The following PPFIBP2 variants were observed in gnomAD, a reference collection of about 807,000 sequenced individuals.
The protein encoded by PPFIBP2 is liprin-beta-2.
A neutral mutation model predicts 118.3 loss-of-function variants in PPFIBP2; 118 were observed. The observed-to-expected ratio is 1.00, with a 90% CI of 0.86 to 1.16. PPFIBP2 has a LOEUF of 1.16. PPFIBP2 is among the 50% of genes most tolerant of loss of function. The pLI is 0.00. For synonymous variants in PPFIBP2, 414 were observed against 397.4 expected (o/e 1.04, Z -0.50); for missense variants, 1,195 against 1,073.1 (o/e 1.11, Z -1.59).
intron 1 of PPFIBP2, among the ~76,000 whole-genome samples, chr11:7,549,048 G>C (rs1852646867): frequency 6.6e-6 from 1 of 152,220 alleles, no homozygotes; most frequent in Admixed American, 6.5e-5. Context: ...GCATTGCCTT[G>C]TACGCCCTGA....
At chr11:7,570,113 T>C (rs2134787504) in intron 3 of PPFIBP2, among the ~76,000 whole-genome samples, 1 of 151,346 alleles carries the variant, frequency 6.6e-6, no homozygotes, top group African/African-American at 2.4e-5. Flanking sequence ...TCCCATGGTC[T>C]GAAAGGGGTG....
intron 6 of PPFIBP2, among the ~76,000 whole-genome samples, chr11:7,614,316 T>G (rs58239216): frequency 0.031 from 4,654 of 152,344 alleles, 245 homozygotes; most frequent in African/African-American, 0.1. Context: ...TGTGGACAAG[T>G]ACATTCATGT....
At chr11:7,595,760 C>T (rs1041325984) in intron 4 of PPFIBP2, among the ~76,000 whole-genome samples, 19 of 152,158 alleles carry the variant, frequency 1.2e-4, no homozygotes, top group Non-Finnish European at 2.4e-4. Context: ...AGAAAGTTTT[C>T]CTGGTTCTAC....
chr11:7,609,440 T>A (rs992690896), intron 5 of PPFIBP2, among the ~76,000 whole-genome samples: 4 of 152,240 alleles, frequency 2.6e-5, no homozygotes, highest in African/African-American at 9.6e-5. Flanking sequence ...TGGAAAAATA[T>A]GTTTCCCTGG....
intron 17 of PPFIBP2, among the ~76,000 whole-genome samples, chr11:7,644,899 C>T (rs1336407178): frequency 1.4e-4 from 21 of 150,698 alleles, no homozygotes; most frequent in African/African-American, 2.2e-4. Context: ...TGGTGGCGGG[C>T]GCCTGTAGTC....
rs1243603441 is a variant in PPFIBP2 at position 7,651,686 on chromosome 11, C to G, written c.2278C>G (p.Leu760Val). 5.0e-6 allele frequency: 8 copies of G among 1,612,826 alleles called. No individual in the cohort carries two copies. The East Asian group carries it at 1.6e-4, about 31-fold the overall frequency. ...ILEPRFTGDT[L>V]AMLLNIPPQK... ...GGAGCCACGCTTCACTGGGGACACC[C>G]TGGCTATGCTTCTCAACATCCCCCC... is the stretch of plus-strand genomic sequence containing the variant. Residue 760 changes from leucine to valine, a missense_variant, in exon 23 of 24, where the codon CTG becomes GTG. Coordinates refer to ENST00000299492, the MANE Select transcript of PPFIBP2 (RefSeq NM_003621.5).
rs1428655198 is a variant in PPFIBP2, at chr11:7,641,618, A to C, written c.1515A>C (p.Gly505=). Residue 505 remains glycine, a splice_region_variant and synonymous_variant, in exon 16 of 24, where the codon GGA becomes GGC. Transcript: ENST00000299492. The part of the protein sequence containing the change: ...RNPKGIKKFW[G]KIRRTQSGNF... ...CCAAAGGCATTAAGAAGTTCTGGGG[A>C]AAGTAAGTTGGTGCCGTTGATCCTA... The C allele has an allele frequency of 6.2e-7, 1 of 1,613,414 alleles. No homozygotes were observed. The highest frequency in any genetic ancestry group is 8.5e-7 in the Non-Finnish European group (1 of 1,179,764).
intron 1 of PPFIBP2, among the ~76,000 whole-genome samples, chr11:7,527,313 C>T (rs891443475): frequency 3.3e-5 from 5 of 151,888 alleles, no homozygotes; most frequent in South Asian, 2.1e-4. Context: ...ATATCTTGGT[C>T]TGGGTGGCAG....
the PPFIBP2 span, among the ~76,000 whole-genome samples, chr11:7,664,435 G>C: frequency 6.6e-6 from 1 of 152,056 alleles, no homozygotes; most frequent in Non-Finnish European, 1.5e-5. Flanking sequence ...CTCTGTGATG[G>C]AGGCTCTCCT....
chr11:7,579,449 T>C (rs1856937874), intron 3 of PPFIBP2, among the ~76,000 whole-genome samples: 1 of 152,224 alleles, frequency 6.6e-6, no homozygotes. Context: ...AGGTTTTTTT[T>C]TTAAGCCCCA....
chr11:7,548,089 A>G (rs1852529595), intron 1 of PPFIBP2, among the ~76,000 whole-genome samples: 1 of 152,234 alleles, frequency 6.6e-6, no homozygotes, highest in Admixed American at 6.5e-5. Context: ...AATTTTAATC[A>G]TGACATCTAT....
chr11:7,555,258 G>A (rs1853471244), intron 2 of PPFIBP2, among the ~76,000 whole-genome samples: 1 of 152,144 alleles, frequency 6.6e-6, no homozygotes, highest in African/African-American at 2.4e-5. Flanking sequence ...ATGCAGTTAT[G>A]TACAAGCAGT....
At chr11:7,592,168 G>A (rs184574234) in intron 3 of PPFIBP2, among the ~76,000 whole-genome samples, 2 of 152,290 alleles carry the variant, frequency 1.3e-5, no homozygotes, top group African/African-American at 4.8e-5. Context: ...AAACTGCCAA[G>A]CCTCTGGGTG....
chr11:7,567,232 A>G (rs1855097861), intron 3 of PPFIBP2, among the ~76,000 whole-genome samples: 1 of 152,192 alleles, frequency 6.6e-6, no homozygotes, highest in South Asian at 2.1e-4. Flanking sequence ...TTTTTATTTT[A>G]TGGTTAACTC....
In PPFIBP2 at chr11:7,652,111, G is replaced by A. The variant is rs991283167; in HGVS notation, c.2436+267G>A. 7.9e-5 allele frequency among the ~76,000 whole-genome samples: 12 copies of A among 152,254 alleles called. No homozygotes were observed. In the South Asian group the frequency reaches 8.3e-4, roughly 10 times the overall value. On this transcript the variant is annotated intron_variant, in intron 23 of 23. Transcript: ENST00000299492. ...CCTATCCTCAGGTGGCTTAGAGCTC[G>A]TCCTCTACCCCACTGCTGCTGTGAC... is the stretch of plus-strand genomic sequence containing the variant.
Position 7,609,263 on chromosome 11 carries a change from A to G in PPFIBP2, c.487-1028A>G, listed in dbSNP as rs540730784. Among the ~76,000 whole-genome samples the G allele has an allele frequency of 1.4e-3, 220 of 152,310 alleles. 1 individual carries two copies. The highest frequency in any genetic ancestry group is 5.2e-3 in the African/African-American group (215 of 41,562). On this transcript the variant is annotated intron_variant, in intron 5 of 23. Transcript: ENST00000299492. ...TTGTGCTGAGCTTGGGTTGCCCAAG[A>G]TGATACAAAATGTTCAGACCATGGC...
chr11:7,619,983 G>C lies in PPFIBP2; in HGVS notation c.619-952G>C, dbSNP rs116304166. 5.3e-3 allele frequency among the ~76,000 whole-genome samples: 809 copies of C among 152,300 alleles called. 6 individuals are homozygous for C. The highest frequency in any genetic ancestry group is 0.018 in the African/African-American group (767 of 41,548). ...CAGTTCTTCTGATGGGAGCTAGTCA[G>C]CAGGACCAATTGTCTGTTAAGGAAA... On this transcript the variant is annotated intron_variant, in intron 6 of 23. Transcript: ENST00000299492.
chr11:7,605,253 C>A (rs1026740963), intron 5 of PPFIBP2, among the ~76,000 whole-genome samples: 2 of 152,166 alleles, frequency 1.3e-5, no homozygotes, highest in African/African-American at 4.8e-5. Context: ...AGAGATGATG[C>A]TAGGAAACTT....
chr11:7,666,560 A>C, the PPFIBP2 span: 1 of 1,605,824 alleles, frequency 6.2e-7, no homozygotes, highest in Non-Finnish European at 8.5e-7. Context: ...TCTAGAAAAG[A>C]AGCAACACTG....
Sources: allele counts gnomAD v4.1 joint callset (sites outside exome capture counted in the v4.1 genomes callset), GRCh38; gene constraint gnomAD v4.1.1; transcripts MANE v1.5; gene names NCBI Gene and HGNC (gene_info 2026-07-23, HGNC 2026-07-21).